DLG4: variants seen among roughly 807,000 people sequenced by gnomAD.
DLG4 encodes the protein disks large homolog 4.
In DLG4, 7 loss-of-function variants were observed where a neutral mutation model predicts 93.8. That is an observed-to-expected ratio of 0.07 (90% CI 0.04 to 0.14). DLG4 has a LOEUF of 0.14. DLG4 is among the 10% of genes least tolerant of loss of function. The pLI, the probability that DLG4 is intolerant of heterozygous loss-of-function variation, is 1.00. For missense variants in DLG4, 545 were observed against 992.9 expected (o/e 0.55, Z 6.06); for synonymous variants, 341 against 387.6 (o/e 0.88, Z 1.41).
intron 8 of DLG4, 105 bp from the exon 9 acceptor site, chr17:7,197,157 G>A (rs1433083364): frequency 8.6e-7 from 1 of 1,161,944 alleles, no homozygotes. Context: ...TGGAAGGGAA[G>A]ATATTCTGCC....
At chr17:7,216,348 C>T (rs1438582540) in intron 1 of DLG4, among the ~76,000 whole-genome samples, 1 of 152,132 alleles carries the variant, frequency 6.6e-6, no homozygotes, top group Non-Finnish European at 1.5e-5. Flanking sequence ...TCCCCCTCCT[C>T]AAATCCCCTC....
At chr17:7,200,000 A>AG (rs1322392256) in intron 8 of DLG4, among the ~76,000 whole-genome samples, 1 of 151,842 alleles carries the variant, frequency 6.6e-6, no homozygotes, top group Admixed American at 6.6e-5. Flanking sequence ...AAAAAAGAAA[A>AG]GAAAAAAAAA....
chr17:7,218,664 G>A (rs1177121262), upstream of DLG4: 5 of 1,553,240 alleles, frequency 3.2e-6, no homozygotes, highest in Non-Finnish European at 4.4e-6. Flanking sequence ...GGAGAATTGG[G>A]ACAGGGAAGA....
At position 7,194,116 on chromosome 17, in the gene DLG4, T is replaced by G. The variant is rs1057343637; in HGVS notation, c.1479-116A>C. ...ACTCTGGGCCAGCTGACACCCCTTC[T>G]CCTGCAGCCCTGGACACTGTGCTCC... On this transcript the variant is annotated intron_variant, in intron 12 of 19. Coordinates refer to ENST00000399506, the MANE Select transcript of DLG4 (RefSeq NM_001321075.3). The surrounding 1 kb of genome is among the most constrained non-coding windows in gnomAD (Gnocchi z 4.4). 3 of 1,412,432 alleles carry G rather than the reference T, an allele frequency of 2.1e-6. No individual in the cohort carries two copies. The highest frequency in any genetic ancestry group is 2.9e-6 in the Non-Finnish European group (3 of 1,035,560). 87.5% of individuals were successfully genotyped at this position (1,412,432 alleles called of 1,614,324 possible).
chr17:7,219,097 G>A (rs543230311), upstream of DLG4: 8 of 571,256 alleles, frequency 1.4e-5, no homozygotes, highest in South Asian at 1.8e-4. Flanking sequence ...TCCTCACAGA[G>A]GGCTCCAGCA....
In DLG4 at chr17:7,196,451, CAAGG is replaced by C. The variant is rs765567158; in HGVS notation, c.1186+18_1186+21del. On this transcript the variant is annotated intron_variant, in intron 10 of 19. Transcript: ENST00000399506. This position sits in a 1 kb window ranked among gnomAD's most constrained non-coding sequence, Gnocchi z 8.3. ...CTAAGGGCCATTTCAGCTCACAAGA[CAAGG>C]AACTTCCGGCCTGGTACCTTCTGGT... 2 of 1,613,546 alleles carry C rather than the reference CAAGG, an allele frequency of 1.2e-6. No individual in the cohort carries two copies. The highest frequency in any genetic ancestry group is 1.7e-6 in the Non-Finnish European group (2 of 1,179,470).
Position 7,196,862 on chromosome 17 carries a change from G to A in DLG4, c.978C>T (p.Asn326=). ...CTTCACCGTCCTCGCCACCCACGATGTTGAAGCCCAGGCCCGTGGAGCCCC... is the reference window on the plus strand; with the variant it reads ...CTTCACCGTCCTCGCCACCCACGATATTGAAGCCCAGGCCCGTGGAGCCCC... ...IHRGSTGLGF[N]IVGGEDGEGI... is the part of the protein sequence containing the mutation. The change falls in exon 9 of 20, where the codon AAC becomes AAT. Residue 326 remains asparagine, a synonymous_variant. Coordinates refer to ENST00000399506, the MANE Select transcript of DLG4 (RefSeq NM_001321075.3). The surrounding 1 kb of genome is among the most constrained non-coding windows in gnomAD (Gnocchi z 8.3). 6.2e-7 allele frequency: 1 copy of A among 1,613,808 alleles called. No homozygotes were observed. Among genetic ancestry groups the A allele is most frequent in the Non-Finnish European group, 8.5e-7 (1 of 1,179,824 alleles).
At chr17:7,216,869 G>GC (rs1165829819) in intron 1 of DLG4, among the ~76,000 whole-genome samples, 1 of 151,044 alleles carries the variant, frequency 6.6e-6, no homozygotes, top group East Asian at 1.9e-4. Context: ...AACCCGCCAG[G>GC]CCCCCCGAAC....
chr17:7,191,072 C>T lies in DLG4; in HGVS notation c.2068+195G>A, dbSNP rs1319829310. On this transcript the variant is annotated intron_variant, in intron 19 of 19. Transcript: ENST00000399506. The surrounding 1 kb of genome is among the most constrained non-coding windows in gnomAD (Gnocchi z 6.6). ...GCAACCTCTGCCTCCCAGGTTCAAG[C>T]GATTCTCCTGCCTCGGCCTACCGAG... Among the ~76,000 whole-genome samples the T allele has an allele frequency of 6.8e-6, 1 of 147,908 alleles. No individual in the cohort carries two copies. The highest frequency in any genetic ancestry group is 1.5e-5 in the Non-Finnish European group (1 of 67,522).
chr17:7,191,156 C>T lies in DLG4; in HGVS notation c.2068+111G>A, dbSNP rs1168888305. On this transcript the variant is annotated intron_variant, in intron 19 of 19. Transcript: ENST00000399506. This position sits in a 1 kb window ranked among gnomAD's most constrained non-coding sequence, Gnocchi z 6.6. ...ATTACAGGCGTGAGCCACCATGCCGCGCCCACAGGGGCACCTCTTTCTAAG... is the reference window on the plus strand; with the variant it reads ...ATTACAGGCGTGAGCCACCATGCCGTGCCCACAGGGGCACCTCTTTCTAAG... 1.4e-5 allele frequency: 14 copies of T among 999,668 alleles called. No individual in the cohort carries two copies. Among genetic ancestry groups the T allele is most frequent in the Admixed American group, 4.0e-5 (2 of 50,208 alleles). 61.9% of individuals were successfully genotyped at this position (999,668 alleles called of 1,614,324 possible). A position where few individuals can be genotyped will look rare whatever the true frequency, so the allele number is the denominator to read the frequency against.
Position 7,193,601 on chromosome 17 carries a change from G to T in DLG4, c.1592-17C>A. 6.6e-7 allele frequency: 1 copy of T among 1,526,174 alleles called. No individual in the cohort carries two copies. The highest frequency in any genetic ancestry group is 1.3e-5 in the South Asian group (1 of 75,730). 94.5% of individuals were successfully genotyped at this position (1,526,174 alleles called of 1,614,324 possible). The stretch of plus-strand genomic sequence containing the variant: ...CATAGTGCACTGCAGAGAGAGCCTG[G>T]CTTAGGCCGAGCGCAGGGTTGGGGG... On this transcript the variant is annotated splice_polypyrimidine_tract_variant and intron_variant, in intron 15 of 19. Coordinates refer to ENST00000399506, the MANE Select transcript of DLG4 (RefSeq NM_001321075.3). The surrounding 1 kb of genome is among the most constrained non-coding windows in gnomAD (Gnocchi z 6.7).
chr17:7,213,323 C>T (rs1408906622), intron 1 of DLG4, among the ~76,000 whole-genome samples: 3 of 151,980 alleles, frequency 2.0e-5, no homozygotes, highest in Non-Finnish European at 4.4e-5. Context: ...TGGTCTCGAA[C>T]TCGTGACCTC....
rs1327541952 is a variant in DLG4, at chr17:7,191,180, A to G, written c.2068+87T>C. On this transcript the variant is annotated intron_variant, in intron 19 of 19. Transcript: ENST00000399506. The surrounding 1 kb of genome is among the most constrained non-coding windows in gnomAD (Gnocchi z 6.6). ...GCGCCCACAGGGGCACCTCTTTCTAAGCCATCCACTGGGGGTGGCGGGGGA... is the reference window on the plus strand; with the variant it reads ...GCGCCCACAGGGGCACCTCTTTCTAGGCCATCCACTGGGGGTGGCGGGGGA... 4.4e-5 allele frequency: 58 copies of G among 1,321,536 alleles called. No individual in the cohort carries two copies. Among genetic ancestry groups the G allele is most frequent in the Non-Finnish European group, 5.6e-5 (52 of 927,564 alleles). 81.9% of individuals were successfully genotyped at this position (1,321,536 alleles called of 1,614,324 possible). A position where few individuals can be genotyped will look rare whatever the true frequency, so the allele number is the denominator to read the frequency against.
At chr17:7,200,074 A>G (rs1215674821) in intron 8 of DLG4, among the ~76,000 whole-genome samples, 2 of 152,174 alleles carry the variant, frequency 1.3e-5, no homozygotes, top group African/African-American at 4.8e-5. Flanking sequence ...GGTATTTAGG[A>G]ATAGTACCAC....
intron 2 of DLG4, among the ~76,000 whole-genome samples, chr17:7,207,785 GCA>G (rs944677353): frequency 1.3e-4 from 20 of 150,344 alleles, no homozygotes; most frequent in African/African-American, 2.7e-4. Flanking sequence ...ACACGCACAG[GCA>G]CACACACAGC....
chr17:7,210,295 C>G (rs1012689983), intron 1 of DLG4, among the ~76,000 whole-genome samples: 1 of 152,100 alleles, frequency 6.6e-6, no homozygotes, highest in Non-Finnish European at 1.5e-5. Flanking sequence ...CCTGTCAGCA[C>G]GAAAACTCTC....
In DLG4 at chr17:7,193,657, C is replaced by T; in HGVS notation, c.1591+10G>A. The T allele has an allele frequency of 1.3e-6, 2 of 1,544,738 alleles. No individual in the cohort carries two copies. The highest frequency in any genetic ancestry group is 1.7e-6 in the Non-Finnish European group (2 of 1,146,714). Reference sequence around the variant, plus strand: ...CAAGTGCTGGGGCCAAGGCAGGGGCCAGGGCTCACCTTCCATCTGCGTCAC... The same window carrying T: ...CAAGTGCTGGGGCCAAGGCAGGGGCTAGGGCTCACCTTCCATCTGCGTCAC... On this transcript the variant is annotated intron_variant, in intron 15 of 19. Transcript: ENST00000399506. This position sits in a 1 kb window ranked among gnomAD's most constrained non-coding sequence, Gnocchi z 6.7.
At chr17:7,213,731 C>G (rs1014694752) in intron 1 of DLG4, 2 of 469,672 alleles carry the variant, frequency 4.3e-6, no homozygotes, top group African/African-American at 2.0e-5. Flanking sequence ...AGTGAGGGGT[C>G]TCCTCAAATC....
chr17:7,213,313 T>C (rs2070783481), intron 1 of DLG4, among the ~76,000 whole-genome samples: 1 of 152,066 alleles, frequency 6.6e-6, no homozygotes, highest in Non-Finnish European at 1.5e-5. Context: ...TTGGCCAGGC[T>C]GGTCTCGAAC....
Sources: gnomAD v4.1 joint callset for allele counts (sites outside exome capture counted in the v4.1 genomes callset) on GRCh38, gnomAD v4.1.1 for gene constraint, Gnocchi (gnomAD v3.1) non-coding constraint, MANE v1.5 for transcripts, NCBI Gene and HGNC (gene_info 2026-07-23, HGNC 2026-07-21) for gene names.